UHRF2: variants seen among roughly 807,000 people sequenced by gnomAD.
UHRF2 encodes the protein ubiquitin like with PHD and ring finger domains 2.
In UHRF2, 23 loss-of-function variants were observed where a neutral mutation model predicts 96.8. That is an observed-to-expected ratio of 0.24 (90% CI 0.17 to 0.34). The LOEUF (loss-of-function observed/expected upper bound fraction) is 0.34, where lower values mean the gene tolerates loss of function less well. UHRF2 is among the 10% of genes least tolerant of loss of function. The pLI is 1.00. For missense variants in UHRF2, 685 were observed against 981.5 expected (o/e 0.70, Z 4.04); for synonymous variants, 385 against 332.6 (o/e 1.16, Z -1.72).
intron 8 of UHRF2, among the ~76,000 whole-genome samples, chr9:6,483,324 C>CAA (rs34497002): frequency 0.016 from 954 of 58,264 alleles, 29 homozygotes; most frequent in African/African-American, 0.045. Flanking sequence ...GACTCTGTCT[C>CAA]AAAAAAAAAA....
chr9:6,456,470 C>G (rs547825624), intron 3 of UHRF2, among the ~76,000 whole-genome samples: 45 of 152,228 alleles, frequency 3.0e-4, no homozygotes, highest in African/African-American at 1.0e-3. Context: ...AATGTTCTCT[C>G]GTTCTGTAGG....
chr9:6,418,413 G>C lies in UHRF2; in HGVS notation c.154-2499G>C, dbSNP rs148988205. ...GTACATAATTTAATTCCCTGACTGG[G>C]AAACTTGTGAAATTCTTGATCCCTT... On this transcript the variant is annotated intron_variant, in intron 1 of 15. Transcript: ENST00000276893. 2.2e-4 allele frequency among the ~76,000 whole-genome samples: 34 copies of C among 152,182 alleles called. No homozygotes were observed. The South Asian group carries it at 3.1e-3, about 14-fold the overall frequency.
chr9:6,486,600 G>A (rs1279849628), intron 8 of UHRF2, among the ~76,000 whole-genome samples: 1 of 152,182 alleles, frequency 6.6e-6, no homozygotes, highest in African/African-American at 2.4e-5. Flanking sequence ...TAAAGGATAT[G>A]TTTGAGGAGA....
Position 6,486,926 on chromosome 9 carries a change from G to A in UHRF2, c.1497+1G>A. 6.2e-7 allele frequency: 1 copy of A among 1,613,726 alleles called. No individual in the cohort carries two copies. Among genetic ancestry groups the A allele is most frequent in the Non-Finnish European group, 8.5e-7 (1 of 1,179,792 alleles). The stretch of plus-strand genomic sequence containing the variant: ...GGCTGGTGGATTTGCGGATGAAGTC[G>A]TAAGTCATTATACAACCTTACTCAT... On this transcript the variant is annotated splice_donor_variant, in intron 9 of 15. Transcript: ENST00000276893. LOFTEE classifies it high-confidence loss of function.
chr9:6,464,483 C>A, intron 4 of UHRF2, among the ~76,000 whole-genome samples: 1 of 151,804 alleles, frequency 6.6e-6, no homozygotes, highest in East Asian at 1.9e-4. Flanking sequence ...TATGCTTGTA[C>A]TTTCTATGTC....
chr9:6,436,188 A>G (rs558162248), intron 3 of UHRF2, among the ~76,000 whole-genome samples: 35 of 152,338 alleles, frequency 2.3e-4, no homozygotes, highest in African/African-American at 7.9e-4. Context: ...AAACAGTATA[A>G]CAACACTTCA....
At chr9:6,413,668 A>G (rs780256304) in intron 1 of UHRF2, 25 bp downstream of exon 1, 5 of 1,548,166 alleles carry the variant, frequency 3.2e-6, no homozygotes, top group Non-Finnish European at 1.7e-6. Flanking sequence ...CCGCGCCCCT[A>G]GCGAGGCTGG....
At chr9:6,487,451 C>A (rs987660718) in intron 9 of UHRF2, among the ~76,000 whole-genome samples, 2 of 152,094 alleles carry the variant, frequency 1.3e-5, no homozygotes, top group African/African-American at 4.8e-5. Context: ...ACTGCAATCT[C>A]CTCCTCCCAG....
intron 1 of UHRF2, 176 bp downstream of exon 1, chr9:6,413,819 G>C: frequency 1.3e-6 from 1 of 766,548 alleles, no homozygotes; most frequent in South Asian, 3.3e-5. Flanking sequence ...CGAATGGTGG[G>C]GAGTGGGTCC....
chr9:6,452,553 A>C (rs150087216), intron 3 of UHRF2, among the ~76,000 whole-genome samples: 1 of 152,156 alleles, frequency 6.6e-6, no homozygotes, highest in African/African-American at 2.4e-5. Flanking sequence ...AAAGATGGGG[A>C]AGTGTGTTGG....
intron 3 of UHRF2, among the ~76,000 whole-genome samples, chr9:6,435,067 G>A (rs1207315950): frequency 6.6e-6 from 1 of 151,366 alleles, no homozygotes; most frequent in East Asian, 2.0e-4. Flanking sequence ...GGAGTACAGT[G>A]ATGCAACCTC....
chr9:6,423,259 G>C (rs1315916078), intron 2 of UHRF2, among the ~76,000 whole-genome samples: 1 of 152,146 alleles, frequency 6.6e-6, no homozygotes, highest in Non-Finnish European at 1.5e-5. Flanking sequence ...AAACCTATGA[G>C]GAGTAGATCA....
intron 9 of UHRF2, among the ~76,000 whole-genome samples, chr9:6,489,356 A>G (rs1450454489): frequency 2.6e-5 from 4 of 152,232 alleles, no homozygotes. Context: ...GCTATTACAG[A>G]TAAAGCTACA....
rs1268348464 is a variant in UHRF2, at chr9:6,450,703, T to TA, written c.645-9869dup. Among the ~76,000 whole-genome samples the TA allele has an allele frequency of 3.3e-5, 5 of 152,230 alleles. 1 individual carries two copies. Among genetic ancestry groups the TA allele is most frequent in the African/African-American group, 1.2e-4 (5 of 41,464 alleles). Reference sequence around the variant, plus strand: ...TGCCTTTTAACACCTATTTTTAACCTATCCCAGTTGTTACTTTGATGCTTA... The same window carrying TA: ...TGCCTTTTAACACCTATTTTTAACCTAATCCCAGTTGTTACTTTGATGCTTA... On this transcript the variant is annotated intron_variant, in intron 3 of 15. Coordinates refer to ENST00000276893, the MANE Select transcript of UHRF2 (RefSeq NM_152896.3).
chr9:6,504,014 A>ATT (rs1816444749), intron 14 of UHRF2, among the ~76,000 whole-genome samples: 1 of 113,856 alleles, frequency 8.8e-6, no homozygotes, highest in African/African-American at 4.3e-5. Context: ...TAAATAGAAG[A>ATT]CTTTTTTTTT....
At chr9:6,430,092 C>G (rs1310842131) in intron 2 of UHRF2, among the ~76,000 whole-genome samples, 2 of 152,214 alleles carry the variant, frequency 1.3e-5, no homozygotes, top group Non-Finnish European at 2.9e-5. Context: ...CCCATTACAA[C>G]CTCCACCTCC....
At chr9:6,423,974 T>C (rs1210672791) in intron 2 of UHRF2, among the ~76,000 whole-genome samples, 1 of 145,594 alleles carries the variant, frequency 6.9e-6, no homozygotes, top group African/African-American at 2.6e-5. Flanking sequence ...ATAAAGGAAC[T>C]CTTGATAAGA....
intron 3 of UHRF2, among the ~76,000 whole-genome samples, chr9:6,453,882 G>T (rs1822016623): frequency 6.6e-6 from 1 of 152,082 alleles, no homozygotes; most frequent in Non-Finnish European, 1.5e-5. Flanking sequence ...TCCAACCTGG[G>T]CAACAGAGTA....
chr9:6,415,869 T>G (rs1265350610), intron 1 of UHRF2, among the ~76,000 whole-genome samples: 1 of 152,162 alleles, frequency 6.6e-6, no homozygotes, highest in Non-Finnish European at 1.5e-5. Flanking sequence ...ATAGATAGTC[T>G]CCCACTAGTC....
Sources: gnomAD v4.1 joint callset for allele counts (sites outside exome capture counted in the v4.1 genomes callset) on GRCh38, gnomAD v4.1.1 for gene constraint, MANE v1.5 for transcripts, NCBI Gene and HGNC (gene_info 2026-07-23, HGNC 2026-07-21) for gene names.